CDH12: variants seen among roughly 807,000 people sequenced by gnomAD.
CDH12 encodes cadherin 12, also known as cadherin-12.
In CDH12, 41 loss-of-function variants were observed where a neutral mutation model predicts 74.1. The observed-to-expected ratio is 0.55, with a 90% CI of 0.43 to 0.72. The LOEUF (loss-of-function observed/expected upper bound fraction) is 0.72. Ranked by LOEUF, CDH12 falls within the 30% of genes least tolerant of loss-of-function variation. CDH12 has a pLI of 0.00. For missense variants in CDH12, 945 were observed against 977.2 expected (o/e 0.97, Z 0.44); for synonymous variants, 399 against 355.0 (o/e 1.12, Z -1.39).
intron 3 of CDH12, among the ~76,000 whole-genome samples, chr5:22,378,559 C>A (rs1261373): frequency 0.42 from 63,382 of 151,756 alleles, 14,560 homozygotes; most frequent in Non-Finnish European, 0.52. Flanking sequence ...GGGTGTAAAT[C>A]TCCAAAAATG....
At chr5:22,421,238 T>C (rs1251314851) in intron 2 of CDH12, among the ~76,000 whole-genome samples, 2 of 152,198 alleles carry the variant, frequency 1.3e-5, no homozygotes, top group African/African-American at 4.8e-5. Context: ...GTGCAGAACC[T>C]GCAGTTTTGT....
At chr5:22,090,608 C>CAT (rs752785773) in intron 4 of CDH12, among the ~76,000 whole-genome samples, 3 of 147,284 alleles carry the variant, frequency 2.0e-5, no homozygotes, top group Non-Finnish European at 4.6e-5. Flanking sequence ...TACATACATA[C>CAT]ACACACACAC....
At chr5:21,783,289 G>A in intron 11 of CDH12, 69 bp downstream of exon 11, 3 of 1,352,620 alleles carry the variant, frequency 2.2e-6, no homozygotes, top group South Asian at 1.3e-5. Flanking sequence ...ATCTCAGCAG[G>A]GACTCATTTA....
At chr5:22,353,850 G>C (rs1740454984) in intron 3 of CDH12, among the ~76,000 whole-genome samples, 1 of 152,086 alleles carries the variant, frequency 6.6e-6, no homozygotes, top group Admixed American at 6.6e-5. Flanking sequence ...TCTGAGAATT[G>C]CAATGCATCA....
chr5:21,768,090 T>C (rs1745124481), intron 11 of CDH12, among the ~76,000 whole-genome samples: 1 of 151,780 alleles, frequency 6.6e-6, no homozygotes. Flanking sequence ...TAGTTACTGT[T>C]GAATACTTAT....
At chr5:22,407,659 A>T (rs915992065) in intron 2 of CDH12, among the ~76,000 whole-genome samples, 1 of 152,132 alleles carries the variant, frequency 6.6e-6, no homozygotes, top group Non-Finnish European at 1.5e-5. Context: ...AGCTACCTGC[A>T]TAATGAGTTT....
At chr5:22,147,308 T>C (rs937450459) in intron 4 of CDH12, among the ~76,000 whole-genome samples, 3 of 152,158 alleles carry the variant, frequency 2.0e-5, no homozygotes, top group African/African-American at 4.8e-5. Context: ...TTATAATGCA[T>C]TCTTGTTCCC....
rs1326781669 is a variant in CDH12, at chr5:22,091,195, G to A, written c.-186-12333C>T. On this transcript the variant is annotated intron_variant, in intron 4 of 14. Transcript: ENST00000382254. ...TAAATATCCTAAAGTGTGTGTGTGT[G>A]TGTATATATATATATATATATATAT... Among the ~76,000 whole-genome samples the A allele has an allele frequency of 2.3e-5, 3 of 132,212 alleles. No homozygotes were observed. In the East Asian group the frequency reaches 6.2e-4, roughly 27 times the overall value. 86.7% of individuals were successfully genotyped at this position (132,212 alleles called of 152,430 possible).
At chr5:22,746,921 C>A (rs1388570528) in intron 1 of CDH12, among the ~76,000 whole-genome samples, 1 of 152,138 alleles carries the variant, frequency 6.6e-6, no homozygotes, top group Non-Finnish European at 1.5e-5. Flanking sequence ...TTCCTAAACA[C>A]AGCTGTACAC....
intron 3 of CDH12, among the ~76,000 whole-genome samples, chr5:22,341,414 T>C (rs1739843400): frequency 6.6e-6 from 1 of 152,184 alleles, no homozygotes; most frequent in African/African-American, 2.4e-5. Flanking sequence ...CCTTTAGAGC[T>C]ACCAAACTAA....
intron 1 of CDH12, among the ~76,000 whole-genome samples, chr5:22,783,111 A>G (rs572739454): frequency 6.6e-6 from 1 of 152,308 alleles, no homozygotes; most frequent in African/African-American, 2.4e-5. Context: ...TAATTTCAAT[A>G]TCATATGAAA....
chr5:22,836,539 C>G (rs1561066281), intron 1 of CDH12, among the ~76,000 whole-genome samples: 2 of 151,818 alleles, frequency 1.3e-5, no homozygotes, highest in Non-Finnish European at 2.9e-5. Context: ...AGTCCTGATG[C>G]TTTTTAAGGG....
At chr5:22,613,005 AT>A (rs1367836534) in intron 1 of CDH12, among the ~76,000 whole-genome samples, 6 of 152,100 alleles carry the variant, frequency 3.9e-5, no homozygotes, top group Admixed American at 3.9e-4. Context: ...TATTCACTTT[AT>A]CTGGAAATTC....
chr5:21,883,926 C>T (rs1197395402), intron 6 of CDH12: 10 of 1,607,550 alleles, frequency 6.2e-6, no homozygotes, highest in Middle Eastern at 1.8e-4. Flanking sequence ...TGCCCTCCTT[C>T]GATGCATTCC....
chr5:22,191,169 G>C (rs989446040), intron 4 of CDH12, among the ~76,000 whole-genome samples: 6 of 151,872 alleles, frequency 4.0e-5, no homozygotes, highest in African/African-American at 1.5e-4. Context: ...CCTTTGCCTA[G>C]AACAGTCTTT....
intron 1 of CDH12, among the ~76,000 whole-genome samples, chr5:22,553,243 C>CT (rs1738652813): frequency 6.6e-6 from 1 of 152,106 alleles, no homozygotes; most frequent in Admixed American, 6.6e-5. Flanking sequence ...AACCTCATCT[C>CT]TTAGCAATAC....
At chr5:22,595,884 T>C (rs1580801161) in intron 1 of CDH12, among the ~76,000 whole-genome samples, 1 of 151,942 alleles carries the variant, frequency 6.6e-6, no homozygotes, top group East Asian at 1.9e-4. Flanking sequence ...GAGACCATCC[T>C]GGCTAACACG....
chr5:22,147,410 A>T (rs1230984648), intron 4 of CDH12, among the ~76,000 whole-genome samples: 1 of 152,028 alleles, frequency 6.6e-6, no homozygotes, highest in Admixed American at 6.6e-5. Flanking sequence ...CAGAAGTCAC[A>T]TTTTCTCTAT....
chr5:21,932,837 T>C (rs962078058), intron 6 of CDH12, among the ~76,000 whole-genome samples: 1 of 151,126 alleles, frequency 6.6e-6, no homozygotes, highest in Non-Finnish European at 1.5e-5. Context: ...GTAGCAAATG[T>C]TGCAATACTA....
Sources: allele counts gnomAD v4.1 joint callset (sites outside exome capture counted in the v4.1 genomes callset), GRCh38; gene constraint gnomAD v4.1.1; transcripts MANE v1.5; gene names NCBI Gene and HGNC (gene_info 2026-07-23, HGNC 2026-07-21).